Variants in ZEB1 observed in about 807,000 individuals in gnomAD.
The protein encoded by ZEB1 is zinc finger E-box-binding homeobox 1.
Under a neutral mutation model 84.9 loss-of-function variants are expected in ZEB1, and 21 were observed. The observed-to-expected ratio is 0.25, with a 90% CI of 0.18 to 0.36. ZEB1 has a LOEUF of 0.36. Ranked by LOEUF, ZEB1 falls within the 10% of genes least tolerant of loss-of-function variation. The pLI is 1.00. For missense variants in ZEB1, 1,104 were observed against 1,330.2 expected, an observed-to-expected ratio of 0.83 and a Z score of 2.65; for synonymous variants, 420 against 471.1, an observed-to-expected ratio of 0.89 and a Z score of 1.41.
chr10:31,336,706 G>C (rs2038154550), intron 1 of ZEB1, among the ~76,000 whole-genome samples: 1 of 152,200 alleles, frequency 6.6e-6, no homozygotes, highest in East Asian at 1.9e-4. Context: ...AAACTCGTTT[G>C]GCCAAGGAGT....
At chr10:31,364,212 C>G (rs2043977422) in intron 1 of ZEB1, among the ~76,000 whole-genome samples, 1 of 152,138 alleles carries the variant, frequency 6.6e-6, no homozygotes, top group Admixed American at 6.5e-5. Context: ...GCTTAGGAGC[C>G]CAGCGAGGGT....
At chr10:31,462,015 TA>T (rs1433841940) in intron 2 of ZEB1, among the ~76,000 whole-genome samples, 2 of 152,082 alleles carry the variant, frequency 1.3e-5, no homozygotes, top group African/African-American at 2.4e-5. Flanking sequence ...TCAGAAAAGG[TA>T]AACAAGTACA....
rs1044492240 is a variant in ZEB1 at position 31,529,032 on chromosome 10, A to G, written c.*1768A>G. 7.9e-5 allele frequency: 12 copies of G among 152,216 alleles called. No homozygotes were observed. The highest frequency in any genetic ancestry group is 3.9e-4 in the Admixed American group (6 of 15,284). The allele number at this position is 152,216 out of a possible 1,614,324, so 9.4% of individuals were successfully genotyped here. On this transcript the variant is annotated 3_prime_UTR_variant, in exon 9 of 9. Transcript: ENST00000424869. ...GTAAGCCAAATTAGGATTAACTTCT[A>G]TAAACAGTGTTGGGAACAATGTTTA... is the stretch of plus-strand genomic sequence containing the variant.
At chr10:31,426,569 G>C (rs1330159322) in intron 1 of ZEB1, among the ~76,000 whole-genome samples, 1 of 152,130 alleles carries the variant, frequency 6.6e-6, no homozygotes, top group Non-Finnish European at 1.5e-5. Context: ...ATGTTGTTTA[G>C]GTTTTCCAAC....
intron 1 of ZEB1, among the ~76,000 whole-genome samples, chr10:31,325,967 GT>G (rs61269264): frequency 0.034 from 4,267 of 124,788 alleles, 157 homozygotes; most frequent in African/African-American, 0.1. Flanking sequence ...TTGGTTTTGG[GT>G]TTTTTTTTTT....
At chr10:31,415,198 C>CTA (rs1261469221) in intron 1 of ZEB1, among the ~76,000 whole-genome samples, 14 of 152,106 alleles carry the variant, frequency 9.2e-5, no homozygotes, top group African/African-American at 1.4e-4. Flanking sequence ...ATAGAATTAA[C>CTA]TGTTCGACAG....
At chr10:31,414,379 G>A (rs1193745686) in intron 1 of ZEB1, among the ~76,000 whole-genome samples, 1 of 152,164 alleles carries the variant, frequency 6.6e-6, no homozygotes, top group Admixed American at 6.5e-5. Flanking sequence ...CTGGATTACA[G>A]TTTTATAAAT....
intron 1 of ZEB1, chr10:31,361,068 T>G: frequency 6.2e-7 from 1 of 1,611,758 alleles, no homozygotes; most frequent in South Asian, 1.1e-5. Flanking sequence ...TAATCAGACT[T>G]CTTTTCTCTA....
intron 1 of ZEB1, among the ~76,000 whole-genome samples, chr10:31,340,974 G>A (rs2039240933): frequency 6.6e-6 from 1 of 152,120 alleles, no homozygotes; most frequent in Admixed American, 6.6e-5. Flanking sequence ...CTGTTGGAAG[G>A]AGTATGAGAT....
At chr10:31,474,239 A>G (rs1424775459) in intron 2 of ZEB1, among the ~76,000 whole-genome samples, 2 of 152,018 alleles carry the variant, frequency 1.3e-5, no homozygotes, top group African/African-American at 4.8e-5. Context: ...GAGCTTCTGT[A>G]CAGCAAAGGA....
At chr10:31,346,868 C>A (rs1203550303) in intron 1 of ZEB1, among the ~76,000 whole-genome samples, 1 of 152,050 alleles carries the variant, frequency 6.6e-6, no homozygotes, top group African/African-American at 2.4e-5. Context: ...CTAATTAAGT[C>A]TTTTCCTTGG....
In ZEB1 at chr10:31,528,861, A is replaced by C. The variant is rs911939246; in HGVS notation, c.*1597A>C. On this transcript the variant is annotated 3_prime_UTR_variant, in exon 9 of 9. Coordinates refer to ENST00000424869, the MANE Select transcript of ZEB1 (RefSeq NM_001174096.2). ...AACAGAACTTAAATGGGAATGTATT[A>C]GTTTTACAACTACAATCAAGTCATT... 2.0e-5 allele frequency: 3 copies of C among 152,210 alleles called. No individual in the cohort carries two copies. The highest frequency in any genetic ancestry group is 2.9e-5 in the Non-Finnish European group (2 of 68,018). 9.4% of individuals were successfully genotyped at this position (152,210 alleles called of 1,614,324 possible).
At chr10:31,391,276 TGA>T (rs36087100) in intron 1 of ZEB1, among the ~76,000 whole-genome samples, 6,079 of 126,230 alleles carry the variant, frequency 0.048, 213 homozygotes, top group African/African-American at 0.13. Context: ...TGTGTGTGTG[TGA>T]GATCCAATAA....
At chr10:31,517,525 A>G (rs549792640) in intron 6 of ZEB1, among the ~76,000 whole-genome samples, 4 of 151,734 alleles carry the variant, frequency 2.6e-5, no homozygotes, top group Non-Finnish European at 1.5e-5. Context: ...GTCAGTATAC[A>G]TAGTATACCG....
intron 1 of ZEB1, among the ~76,000 whole-genome samples, chr10:31,447,970 A>T (rs2060014298): frequency 6.6e-6 from 1 of 151,636 alleles, no homozygotes; most frequent in Non-Finnish European, 1.5e-5. Flanking sequence ...GCCTTGCTAG[A>T]TTGGGGAAGT....
rs2073789105 is a variant in ZEB1, at chr10:31,528,048, G to T, written c.*784G>T. The T allele has an allele frequency of 6.6e-6, 1 of 152,224 alleles. No homozygotes were observed. The highest frequency in any genetic ancestry group is 1.5e-5 in the Non-Finnish European group (1 of 68,050). 9.4% of individuals were successfully genotyped at this position (152,224 alleles called of 1,614,324 possible). A position where few individuals can be genotyped will look rare whatever the true frequency, so the allele number is the denominator to read the frequency against. On this transcript the variant is annotated 3_prime_UTR_variant, in exon 9 of 9. Coordinates refer to ENST00000424869, the MANE Select transcript of ZEB1 (RefSeq NM_001174096.2). ...AAGGACAGCAAAATCATCAGAATCA[G>T]TGTTTGTGATTGTGTTTGAATATGT... is the stretch of plus-strand genomic sequence containing the variant.
At chr10:31,441,437 C>A (rs2058974029) in intron 1 of ZEB1, among the ~76,000 whole-genome samples, 1 of 152,128 alleles carries the variant, frequency 6.6e-6, no homozygotes, top group South Asian at 2.1e-4. Flanking sequence ...AATGTTAGAC[C>A]TGAAACCATA....
intron 1 of ZEB1, among the ~76,000 whole-genome samples, chr10:31,395,046 TG>T (rs947104271): frequency 6.6e-6 from 1 of 152,196 alleles, no homozygotes; most frequent in African/African-American, 2.4e-5. Context: ...GGTTGTTGCT[TG>T]TGCTTTAGTG....
In ZEB1 at chr10:31,521,992, C is replaced by T. The variant is rs1225574119; in HGVS notation, c.2604+56C>T. 5 of 1,609,774 alleles carry T rather than the reference C, an allele frequency of 3.1e-6. No individual in the cohort carries two copies. In the African/African-American group the frequency reaches 6.7e-5, roughly 22 times the overall value. Reference sequence around the variant, plus strand: ...TAGTAATATGCTATTTGACTAATTTCAATTAACTTTGTCTAATAAATATCA... The same window carrying T: ...TAGTAATATGCTATTTGACTAATTTTAATTAACTTTGTCTAATAAATATCA... On this transcript the variant is annotated intron_variant, in intron 7 of 8. Transcript: ENST00000424869.
Sources: allele counts gnomAD v4.1 joint callset (sites outside exome capture counted in the v4.1 genomes callset), GRCh38; gene constraint gnomAD v4.1.1; transcripts MANE v1.5; gene names NCBI Gene and HGNC (gene_info 2026-07-23, HGNC 2026-07-21).